The following DUOXA1 variants were observed in gnomAD, a reference collection of about 807,000 sequenced individuals.
DUOXA1 encodes dual oxidase activator 1.
Under a neutral mutation model 26.6 loss-of-function variants are expected in DUOXA1, and 19 were observed. That is an observed-to-expected ratio of 0.71 (90% CI 0.50 to 1.05). DUOXA1 has a LOEUF of 1.05. Among genes scored for constraint, DUOXA1 ranks in the 50% least tolerant of loss-of-function variants. The pLI, the probability that DUOXA1 is intolerant of heterozygous loss-of-function variation, is 0.00. For missense variants in DUOXA1, 403 were observed against 427.5 expected (o/e 0.94, Z 0.51); for synonymous variants, 166 against 177.0 (o/e 0.94, Z 0.49).
chr15:45,122,169 TGCACTTC>T lies in DUOXA1; in HGVS notation c.205+9_205+15del, dbSNP rs1374526701. On this transcript the variant is annotated intron_variant, in intron 5 of 8. Transcript: ENST00000560572. ...GATGGAGGCAGCAGCCCAAGTCAGCTGCACTTCGCACTCACCCAGGATTGCAGCCCCG... is the reference window on the plus strand; with the variant it reads ...GATGGAGGCAGCAGCCCAAGTCAGCTGCACTCACCCAGGATTGCAGCCCCG... The T allele has an allele frequency of 3.1e-6, 5 of 1,591,378 alleles. No homozygotes were observed. In the East Asian group the frequency reaches 1.1e-4, roughly 36 times the overall value.
Position 45,121,166 on chromosome 15 carries a change from G to A in DUOXA1, c.261C>T (p.Tyr87=), listed in dbSNP as rs756417535. 4 of 1,614,190 alleles carry A rather than the reference G, an allele frequency of 2.5e-6. No homozygotes were observed. The highest frequency in any genetic ancestry group is 2.7e-5 in the African/African-American group (2 of 75,034). ...SVGQVSTNTS[Y]KAFSSEWISA... ...TGATCCACTCAGAACTGAAGGCCTTGTATGATGTGTTGGTGCTGACCTGGC... is the reference window on the plus strand; with the variant it reads ...TGATCCACTCAGAACTGAAGGCCTTATATGATGTGTTGGTGCTGACCTGGC... Residue 87 remains tyrosine, a synonymous_variant, in exon 6 of 9, where the codon TAC becomes TAT. Transcript: ENST00000560572.
Position 45,117,818 on chromosome 15 carries a change from A to T in DUOXA1, c.*1288T>A. ...GACCAAAGCGCCAAGGACTGCAGCC[A>T]GGAGAGAGGGGGCTCACCTCTTATC... is the stretch of plus-strand genomic sequence containing the variant. On this transcript the variant is annotated 3_prime_UTR_variant, in exon 9 of 9. Transcript: ENST00000560572. 1 of 1,613,932 alleles carries T rather than the reference A, an allele frequency of 6.2e-7. No individual in the cohort carries two copies. The highest frequency in any genetic ancestry group is 8.5e-7 in the Non-Finnish European group (1 of 1,180,048).
At chr15:45,122,143 G>A (rs1391254128) in intron 5 of DUOXA1, 42 bp downstream of exon 5, 7 of 1,567,192 alleles carry the variant, frequency 4.5e-6, no homozygotes, top group Non-Finnish European at 6.1e-6. Context: ...GGAGTTGAAG[G>A]GATGGAGGCA....
Position 45,129,623 on chromosome 15 carries a change from T to A in DUOXA1, c.-302-8A>T, listed in dbSNP as rs889052274. On this transcript the variant is annotated splice_region_variant and splice_polypyrimidine_tract_variant and intron_variant, in intron 1 of 8. Coordinates refer to ENST00000560572, the MANE Select transcript of DUOXA1 (RefSeq NM_001276266.2). The surrounding 1 kb of genome is among the most constrained non-coding windows in gnomAD (Gnocchi z 4.1). The stretch of plus-strand genomic sequence containing the variant: ...TTTGACGCCTGGCCTGGTCTGTGGG[T>A]GGCAGGTGATCGATGGCCTTGGACT... 1.3e-5 allele frequency: 2 copies of A among 153,290 alleles called. No individual in the cohort carries two copies. The highest frequency in any genetic ancestry group is 2.4e-5 in the African/African-American group (1 of 41,384). The allele number at this position is 153,290 out of a possible 1,614,324, so 9.5% of individuals were successfully genotyped here.
At chr15:45,125,162 T>C (rs1465876329) in intron 3 of DUOXA1, among the ~76,000 whole-genome samples, 7 of 152,202 alleles carry the variant, frequency 4.6e-5, no homozygotes. Flanking sequence ...AGTTTTAACA[T>C]GAACTTTTTT....
chr15:45,124,386 A>G (rs1895502455), intron 3 of DUOXA1, among the ~76,000 whole-genome samples: 1 of 152,238 alleles, frequency 6.6e-6, no homozygotes, highest in East Asian at 1.9e-4. Flanking sequence ...TAAGCTATCA[A>G]GTTGGGAAAG....
intron 3 of DUOXA1, among the ~76,000 whole-genome samples, chr15:45,128,378 T>C (rs1203285839): frequency 6.6e-6 from 1 of 152,240 alleles, no homozygotes. Flanking sequence ...GGGCCACTAA[T>C]TCTCCACAAG....
rs1306350077 is a variant in DUOXA1 at position 45,117,476 on chromosome 15, G to T, written c.*1630C>A. 3.9e-6 allele frequency: 6 copies of T among 1,550,050 alleles called. No homozygotes were observed. The Admixed American group carries it at 1.2e-4, about 30-fold the overall frequency. ...CCATTTTACAGATGAAAAGTGGGGGGCTCAGAAGGGTTTGGTGTCTTGCCG... is the reference window on the plus strand; with the variant it reads ...CCATTTTACAGATGAAAAGTGGGGGTCTCAGAAGGGTTTGGTGTCTTGCCG... On this transcript the variant is annotated 3_prime_UTR_variant, in exon 9 of 9. Transcript: ENST00000560572.
chr15:45,123,464 A>C (rs1479354255), intron 3 of DUOXA1, among the ~76,000 whole-genome samples: 2 of 152,270 alleles, frequency 1.3e-5, no homozygotes, highest in African/African-American at 4.8e-5. Context: ...AAGATGGTAC[A>C]GATTACAAAA....
In DUOXA1 at chr15:45,121,142, G is replaced by A; in HGVS notation, c.285C>T (p.Ile95=). The change falls in exon 6 of 9, where the codon ATC becomes ATT. Residue 95 remains isoleucine, a synonymous_variant. Transcript: ENST00000560572. ...CGACCTGCAGCCCAATATCAGCGCT[G>A]ATCCACTCAGAACTGAAGGCCTTGT... is the stretch of plus-strand genomic sequence containing the variant. ...TSYKAFSSEW[I]SADIGLQVGL... 3.7e-6 allele frequency: 6 copies of A among 1,614,160 alleles called. No homozygotes were observed. The highest frequency in any genetic ancestry group is 5.1e-6 in the Non-Finnish European group (6 of 1,180,018).
intron 3 of DUOXA1, among the ~76,000 whole-genome samples, chr15:45,127,690 G>A (rs1361335262): frequency 1.3e-5 from 2 of 152,094 alleles, no homozygotes; most frequent in African/African-American, 2.4e-5. Context: ...TTCCTACAAC[G>A]CTTGTGTTTC....
In DUOXA1 at chr15:45,122,968, G is replaced by A; in HGVS notation, c.47C>T (p.Pro16Leu). The A allele has an allele frequency of 6.2e-7, 1 of 1,613,410 alleles. No homozygotes were observed. Among genetic ancestry groups the A allele is most frequent in the Admixed American group, 1.7e-5 (1 of 59,978 alleles). ...CAAAGTGGTGTCCATCGGGAAGGTT[G>A]GCTTGGGGCCAGCATAGAAGGGGAA... ...HTFPFYAGPKPTFPMDTTLAS... is the reference protein window; with the variant it reads ...HTFPFYAGPKLTFPMDTTLAS... Residue 16 changes from proline to leucine, a missense_variant, in exon 4 of 9, where the codon CCA becomes CTA. Coordinates refer to ENST00000560572, the MANE Select transcript of DUOXA1 (RefSeq NM_001276266.2).
intron 7 of DUOXA1, 130 bp from the exon 8 acceptor site, chr15:45,120,450 G>A: frequency 6.9e-7 from 1 of 1,448,970 alleles, no homozygotes; most frequent in South Asian, 1.1e-5. Flanking sequence ...CCTTCCCATG[G>A]ACTTCCCAAG....
In DUOXA1 at chr15:45,126,794, T is replaced by A. The variant is rs187558078; in HGVS notation, c.-30+2224A>T. 4.3e-3 allele frequency among the ~76,000 whole-genome samples: 651 copies of A among 152,368 alleles called. 2 individuals carry two copies. The highest frequency in any genetic ancestry group is 7.2e-3 in the Non-Finnish European group (487 of 68,034). ...ATTGCCCTGTGCTAATAATTCAATATTAACTGAGTGTCACCAATACAGAGC... is the reference window on the plus strand; with the variant it reads ...ATTGCCCTGTGCTAATAATTCAATAATAACTGAGTGTCACCAATACAGAGC... On this transcript the variant is annotated intron_variant, in intron 3 of 8. Coordinates refer to ENST00000560572, the MANE Select transcript of DUOXA1 (RefSeq NM_001276266.2).
At position 45,118,887 on chromosome 15, in the gene DUOXA1, T is replaced by C. The variant is rs747212308; in HGVS notation, c.*219A>G. ...GCTTGGCCTTATCATGGCAACAGGC[T>C]TTATGGACAGGCCCAGCATCTCTTC... On this transcript the variant is annotated 3_prime_UTR_variant, in exon 9 of 9. Coordinates refer to ENST00000560572, the MANE Select transcript of DUOXA1 (RefSeq NM_001276266.2). 7.9e-7 allele frequency: 1 copy of C among 1,263,164 alleles called. No homozygotes were observed. The highest frequency in any genetic ancestry group is 1.0e-6 in the Non-Finnish European group (1 of 1,004,224). 78.2% of individuals were successfully genotyped at this position (1,263,164 alleles called of 1,614,324 possible).
chr15:45,123,635 C>T (rs371177600), intron 3 of DUOXA1, among the ~76,000 whole-genome samples: 7 of 152,244 alleles, frequency 4.6e-5, no homozygotes, highest in Non-Finnish European at 1.0e-4. Context: ...GTTCTGGTAA[C>T]TGCAGAACAG....
At chr15:45,122,788 G>A in intron 4 of DUOXA1, 80 bp downstream of exon 4, 1 of 1,487,310 alleles carries the variant, frequency 6.7e-7, no homozygotes, top group Non-Finnish European at 9.0e-7. Context: ...CCTTAGCCTG[G>A]TTGTAGTCAG....
In DUOXA1 at chr15:45,123,047, T is replaced by A; in HGVS notation, c.-29-4A>T. On this transcript the variant is annotated splice_region_variant and splice_polypyrimidine_tract_variant and intron_variant, in intron 3 of 8. Transcript: ENST00000560572. The stretch of plus-strand genomic sequence containing the variant: ...AGGTGGTGCAGGGGGGGCAATGCTG[T>A]ACAACAACAATAGACATTTATTGCA... 6.3e-7 allele frequency: 1 copy of A among 1,582,420 alleles called. No individual in the cohort carries two copies. Among genetic ancestry groups the A allele is most frequent in the Non-Finnish European group, 8.6e-7 (1 of 1,163,392 alleles).
At position 45,117,566 on chromosome 15, in the gene DUOXA1, A is replaced by T; in HGVS notation, c.*1540T>A. 2 of 1,596,128 alleles carry T rather than the reference A, an allele frequency of 1.3e-6. No homozygotes were observed. Among genetic ancestry groups the T allele is most frequent in the Non-Finnish European group, 1.7e-6 (2 of 1,170,590 alleles). Reference sequence around the variant, plus strand: ...TAACACAAGGGGTAGGCTCCAAAAGATGGAAGAAGGCCCGGGCATCACGCC... The same window carrying T: ...TAACACAAGGGGTAGGCTCCAAAAGTTGGAAGAAGGCCCGGGCATCACGCC... On this transcript the variant is annotated 3_prime_UTR_variant, in exon 9 of 9. Transcript: ENST00000560572.
Sources: gnomAD v4.1 joint callset for allele counts (sites outside exome capture counted in the v4.1 genomes callset) on GRCh38, gnomAD v4.1.1 for gene constraint, Gnocchi (gnomAD v3.1) non-coding constraint, MANE v1.5 for transcripts, NCBI Gene and HGNC (gene_info 2026-07-23, HGNC 2026-07-21) for gene names.